Variants in TFB1M observed in about 807,000 individuals in gnomAD.
TFB1M encodes the protein dimethyladenosine transferase 1, mitochondrial.
Under a neutral mutation model 31.1 loss-of-function variants are expected in TFB1M, and 27 were observed. The observed-to-expected ratio is 0.87, with a 90% CI of 0.64 to 1.20. TFB1M has a LOEUF of 1.20. Among genes scored for constraint, TFB1M ranks in the 50% most tolerant of loss-of-function variants. TFB1M has a pLI of 0.00. For synonymous variants in TFB1M, 166 were observed against 151.8 expected (o/e 1.09, Z -0.69); for missense variants, 394 against 418.7 (o/e 0.94, Z 0.51).
At chr6:155,295,579 CCTTTATTAA>C (rs1777133115) in intron 4 of TFB1M, among the ~76,000 whole-genome samples, 2 of 152,048 alleles carry the variant, frequency 1.3e-5, no homozygotes, top group Non-Finnish European at 2.9e-5. Context: ...TCAGGAGTTC[CCTTTATTAA>C]GTCATCCATG....
intron 4 of TFB1M, among the ~76,000 whole-genome samples, chr6:155,288,350 T>G (rs1443785048): frequency 6.6e-6 from 1 of 152,162 alleles, no homozygotes; most frequent in African/African-American, 2.4e-5. Context: ...TCTTTCTTAC[T>G]AAAATGTAAA....
At chr6:155,293,651 A>G (rs1192967629) in intron 4 of TFB1M, among the ~76,000 whole-genome samples, 4 of 152,058 alleles carry the variant, frequency 2.6e-5, no homozygotes, top group Non-Finnish European at 4.4e-5. Flanking sequence ...ATTTTTCTGG[A>G]TTTATCTCAG....
At chr6:155,240,446 CGGAGACA>C in the TFB1M span, 1 of 1,430,134 alleles carries the variant, frequency 7.0e-7, no homozygotes, top group East Asian at 2.3e-5. Context: ...TGAGCACAGA[CGGAGACA>C]CTTGGTGCCC....
At chr6:155,264,218 C>T (rs902211481) in intron 5 of TFB1M, 1 of 152,166 alleles carries the variant, frequency 6.6e-6, no homozygotes, top group African/African-American at 2.4e-5. Flanking sequence ...GCTTGCTCTT[C>T]AAGTACCTCC....
At chr6:155,278,866 T>G (rs965415728) in intron 5 of TFB1M, among the ~76,000 whole-genome samples, 1 of 152,146 alleles carries the variant, frequency 6.6e-6, no homozygotes, top group African/African-American at 2.4e-5. Flanking sequence ...CAGAAAGCAG[T>G]TGGTGCACAG....
At chr6:155,260,694 C>T in intron 5 of TFB1M, 1 of 457,264 alleles carries the variant, frequency 2.2e-6, no homozygotes, top group Non-Finnish European at 4.1e-6. Flanking sequence ...AAAATCAATC[C>T]AAATCATTAA....
the TFB1M span, chr6:155,250,587 A>G: frequency 6.5e-7 from 1 of 1,536,050 alleles, no homozygotes; most frequent in East Asian, 2.4e-5. Context: ...CCCAGGGGAA[A>G]GCTTACAAAA....
chr6:155,298,212 G>A (rs1777264292), intron 3 of TFB1M, among the ~76,000 whole-genome samples: 2 of 152,036 alleles, frequency 1.3e-5, no homozygotes, highest in Non-Finnish European at 2.9e-5. Flanking sequence ...TCCTTATATG[G>A]TATCACAAAA....
the TFB1M span, among the ~76,000 whole-genome samples, chr6:155,248,690 G>A: frequency 2.6e-5 from 4 of 152,194 alleles, no homozygotes; most frequent in East Asian, 7.7e-4. Context: ...GTGTGTTACT[G>A]TTTGAACCTC....
intron 5 of TFB1M, among the ~76,000 whole-genome samples, chr6:155,274,126 A>C (rs993151275): frequency 2.0e-5 from 3 of 152,238 alleles, no homozygotes; most frequent in Non-Finnish European, 4.4e-5. Context: ...GTATAAAGCT[A>C]AGAACTGGCC....
At chr6:155,276,287 C>A (rs546881153) in intron 5 of TFB1M, 2 of 1,613,998 alleles carry the variant, frequency 1.2e-6, no homozygotes, top group South Asian at 1.1e-5. Context: ...AAAAAGGAAT[C>A]CAGAAGCTAG....
In TFB1M at chr6:155,257,122, T is replaced by C. The variant is rs1562380571; in HGVS notation, c.*714A>G. 6.2e-7 allele frequency: 1 copy of C among 1,611,944 alleles called. No individual in the cohort carries two copies. ...AACAGAGAGCCACGGAAAATCATAGTATGATTCAATCCAGATATGGGTTAA... is the reference window on the plus strand; with the variant it reads ...AACAGAGAGCCACGGAAAATCATAGCATGATTCAATCCAGATATGGGTTAA... On this transcript the variant is annotated 3_prime_UTR_variant, in exon 7 of 7. Transcript: ENST00000367166.
Position 155,256,556 on chromosome 6 carries a change from C to A in TFB1M, c.*1280G>T, listed in dbSNP as rs769760763. On this transcript the variant is annotated 3_prime_UTR_variant, in exon 7 of 7. Coordinates refer to ENST00000367166, the MANE Select transcript of TFB1M (RefSeq NM_016020.4). ...TGGACCGGTGAGACTGGCAAGGGAA[C>A]CTTGCTGGACTCTGACGAGGGCAGC... The A allele has an allele frequency of 3.1e-6, 5 of 1,614,202 alleles. No individual in the cohort carries two copies. The South Asian group carries it at 4.4e-5, about 14-fold the overall frequency.
At chr6:155,254,377 C>T (rs745686022), downstream of TFB1M, 5 of 1,599,506 alleles carry the variant, frequency 3.1e-6, no homozygotes, top group East Asian at 1.1e-4. Context: ...GCACGATGAA[C>T]ACTGTGGACA....
chr6:155,296,514 G>A (rs1477259278), intron 4 of TFB1M, among the ~76,000 whole-genome samples: 2 of 146,146 alleles, frequency 1.4e-5, no homozygotes, highest in African/African-American at 2.5e-5. Flanking sequence ...TCCTGACCTC[G>A]TGATCCGCCT....
intron 5 of TFB1M, chr6:155,264,099 A>G (rs9397236): frequency 0.77 from 117,816 of 152,120 alleles, 46,801 homozygotes; most frequent in East Asian, 1. Context: ...GGCACCACAA[A>G]ATGGAACGCA....
At chr6:155,283,474 C>G (rs915546754) in intron 5 of TFB1M, among the ~76,000 whole-genome samples, 3 of 152,046 alleles carry the variant, frequency 2.0e-5, no homozygotes, top group Non-Finnish European at 4.4e-5. Flanking sequence ...AGCTTTTTTC[C>G]AAATAATAAA....
At chr6:155,254,103 A>G (rs1448591080), downstream of TFB1M, 6 of 1,577,004 alleles carry the variant, frequency 3.8e-6, no homozygotes, top group Non-Finnish European at 5.2e-6. Context: ...GAAATAACAT[A>G]GAATTATGTC....
At chr6:155,248,535 C>A in the TFB1M span, among the ~76,000 whole-genome samples, 1 of 152,214 alleles carries the variant, frequency 6.6e-6, no homozygotes, top group African/African-American at 2.4e-5. Context: ...TATTTTCCTA[C>A]CACTTGGTTA....
Sources: gnomAD v4.1 joint callset for allele counts (sites outside exome capture counted in the v4.1 genomes callset) on GRCh38, gnomAD v4.1.1 for gene constraint, MANE v1.5 for transcripts, NCBI Gene and HGNC (gene_info 2026-07-23, HGNC 2026-07-21) for gene names.